CELF6: variants seen among roughly 807,000 people sequenced by gnomAD.
The protein encoded by CELF6 is CUGBP Elav-like family member 6.
In CELF6, 32 loss-of-function variants were observed where a neutral mutation model predicts 53.1. That is an observed-to-expected ratio of 0.60 (90% CI 0.46 to 0.81). The LOEUF is 0.81. Among genes scored for constraint, CELF6 ranks in the 30% least tolerant of loss-of-function variants. The probability of loss-of-function intolerance (pLI) is 0.00; values close to 1 mark genes in which losing one functional copy is unlikely to be tolerated. For missense variants in CELF6, 539 were observed against 669.5 expected (o/e 0.81, Z 2.15); for synonymous variants, 291 against 288.8 (o/e 1.01, Z -0.08).
At chr15:72,310,263 T>G (rs1435353603) in intron 2 of CELF6, among the ~76,000 whole-genome samples, 1 of 152,044 alleles carries the variant, frequency 6.6e-6, no homozygotes, top group Non-Finnish European at 1.5e-5. Context: ...CAGGGCAGAG[T>G]GGGACAGAAA....
Position 72,319,868 on chromosome 15 carries a change from C to T in CELF6, c.7G>A (p.Ala3Thr). Reference protein sequence around the residue: MAAAPGGSAQPAG... With the variant: MATAPGGSAQPAG... ...GGCTGCGCTGACCCTCCCGGCGCCGCGGCCATGTCCCCGCCCTGTCAGCCC... is the reference window on the plus strand; with the variant it reads ...GGCTGCGCTGACCCTCCCGGCGCCGTGGCCATGTCCCCGCCCTGTCAGCCC... Residue 3 changes from alanine to threonine, a missense_variant, in exon 1 of 13, where the codon GCG (alanine) becomes ACG (threonine). Around this residue, in one of 3 missense-constraint regions of CELF6, gnomAD observed 84 missense variants for 87.9 expected, o/e 0.96. Coordinates refer to ENST00000287202, the MANE Select transcript of CELF6 (RefSeq NM_052840.5). This position sits in a 1 kb window ranked among gnomAD's most constrained non-coding sequence, Gnocchi z 5.0. The T allele has an allele frequency of 2.7e-6, 4 of 1,493,032 alleles. No homozygotes were observed. Among genetic ancestry groups the T allele is most frequent in the Admixed American group, 2.2e-5 (1 of 44,838 alleles). 92.5% of individuals were successfully genotyped at this position (1,493,032 alleles called of 1,614,324 possible). A position where few individuals can be genotyped will look rare whatever the true frequency, so the allele number is the denominator to read the frequency against.
Position 72,319,756 on chromosome 15 carries a change from A to G in CELF6, c.119T>C (p.Met40Thr), listed in dbSNP as rs115738898. 1.8e-3 allele frequency: 2,873 copies of G among 1,598,982 alleles called. 42 individuals are homozygous for G. The African/African-American group carries it at 0.034, about 19-fold the overall frequency. Residue 40 changes from methionine to threonine, a missense_variant, in exon 1 of 13, where the codon ATG becomes ACG. Around this residue, in one of 3 missense-constraint regions of CELF6, gnomAD observed 84 missense variants for 87.9 expected, o/e 0.96. Transcript: ENST00000287202. The surrounding 1 kb of genome is among the most constrained non-coding windows in gnomAD (Gnocchi z 5.0). ...SGLNPGPAVP[M>T]KDHDAIKLFV... ...GAGCTTGATGGCGTCGTGGTCCTTC[A>G]TGGGTACGGCGGGACCGGGGTTTAG...
At chr15:72,315,599 C>G (rs886301767) in intron 2 of CELF6, among the ~76,000 whole-genome samples, 16 of 152,200 alleles carry the variant, frequency 1.1e-4, no homozygotes, top group African/African-American at 3.1e-4. Flanking sequence ...GCCCTCAACA[C>G]TGATGCCTCT....
At position 72,289,617 on chromosome 15, in the gene CELF6, C is replaced by T. The variant is rs1264293024; in HGVS notation, c.747+10G>A. The T allele has an allele frequency of 6.7e-7, 1 of 1,500,298 alleles. No homozygotes were observed. Among genetic ancestry groups the T allele is most frequent in the Non-Finnish European group, 8.8e-7 (1 of 1,133,046 alleles). The allele number at this position is 1,500,298 out of a possible 1,614,324, so 92.9% of individuals were successfully genotyped here. A position where few individuals can be genotyped will look rare whatever the true frequency, so the allele number is the denominator to read the frequency against. On this transcript the variant is annotated intron_variant, in intron 6 of 12. Coordinates refer to ENST00000287202, the MANE Select transcript of CELF6 (RefSeq NM_052840.5). This position sits in a 1 kb window ranked among gnomAD's most constrained non-coding sequence, Gnocchi z 7.6. ...CTGCGCGCCCTCGCACGCAGGTGCC[C>T]GGTACCTACCGCCGTGGTGTAGGCG...
In CELF6 at chr15:72,288,555, G is replaced by A. The variant is rs1298131193; in HGVS notation, c.1157C>T (p.Pro386Leu). The A allele has an allele frequency of 1.9e-6, 3 of 1,600,492 alleles. No individual in the cohort carries two copies. Among genetic ancestry groups the A allele is most frequent in the South Asian group, 2.2e-5 (2 of 88,906 alleles). ...TCCCTCACCTTCTCTCTGCTGCTGG[G>A]GCAGGGCTGAAGGCTGCTGGGGAAA... is the stretch of plus-strand genomic sequence containing the variant. ...TAFPQQPSAL[P>L]QQQREGPEGC... The change falls in exon 10 of 13, where the codon CCC (proline) becomes CTC (leucine). Residue 386 changes from proline (P) to leucine (L), a missense_variant. Coordinates refer to ENST00000287202, the MANE Select transcript of CELF6 (RefSeq NM_052840.5). This position sits in a 1 kb window ranked among gnomAD's most constrained non-coding sequence, Gnocchi z 4.6.
chr15:72,290,316 C>T, intron 3 of CELF6, 61 bp from the exon 4 acceptor site: 1 of 1,557,276 alleles, frequency 6.4e-7, no homozygotes, highest in Non-Finnish European at 8.7e-7. Flanking sequence ...CCGAGAGTAG[C>T]CTGAGGAACT....
intron 2 of CELF6, among the ~76,000 whole-genome samples, chr15:72,310,320 C>G (rs1252934641): frequency 2.0e-5 from 3 of 152,146 alleles, no homozygotes; most frequent in African/African-American, 4.8e-5. Context: ...CCTCACCCCC[C>G]TCCTCTAATT....
At chr15:72,296,855 G>A (rs2088086368) in intron 3 of CELF6, among the ~76,000 whole-genome samples, 1 of 152,208 alleles carries the variant, frequency 6.6e-6, no homozygotes, top group Non-Finnish European at 1.5e-5. Flanking sequence ...TGATAGGAAT[G>A]TAAAATAGTG....
rs759518980 is a variant in CELF6 at position 72,289,972 on chromosome 15, G to A, written c.570C>T (p.Ala190=). The change falls in exon 5 of 13, where the codon GCC becomes GCT. Residue 190 remains alanine (A), a synonymous_variant. Coordinates refer to ENST00000287202, the MANE Select transcript of CELF6 (RefSeq NM_052840.5). The surrounding 1 kb of genome is among the most constrained non-coding windows in gnomAD (Gnocchi z 7.6). ...TCCGGCTGCCGTGCAGACCCCGGAT[G>A]GCCGCCTGAGCTTCCCCTTGACTCC... is the stretch of plus-strand genomic sequence containing the variant. ...KFGSQGEAQA[A]IRGLHGSRTM... is the part of the protein sequence containing the mutation. The A allele has an allele frequency of 6.3e-7, 1 of 1,585,366 alleles. No individual in the cohort carries two copies. The highest frequency in any genetic ancestry group is 1.1e-5 in the South Asian group (1 of 87,244).
chr15:72,319,527 G>A lies in CELF6; in HGVS notation c.262+86C>T. On this transcript the variant is annotated intron_variant, in intron 1 of 12. Transcript: ENST00000287202. This position sits in a 1 kb window ranked among gnomAD's most constrained non-coding sequence, Gnocchi z 5.0. ...TTGGACTGGTGTTGGACTGGCTCTC[G>A]GCAGGGCTAGGGCTGGGGCTGGGCT... 3 of 1,428,496 alleles carry A rather than the reference G, an allele frequency of 2.1e-6. No homozygotes were observed. The highest frequency in any genetic ancestry group is 1.4e-5 in the South Asian group (1 of 72,348). The allele number at this position is 1,428,496 out of a possible 1,614,324, so 88.5% of individuals were successfully genotyped here.
rs202206831 is a variant in CELF6 at position 72,287,230 on chromosome 15, G to T, written c.*28+7C>A. 1,786 of 1,609,838 alleles carry T rather than the reference G, an allele frequency of 1.1e-3. No homozygotes were observed. Among genetic ancestry groups the T allele is most frequent in the Non-Finnish European group, 1.5e-3 (1,711 of 1,177,890 alleles). On this transcript the variant is annotated splice_region_variant and intron_variant, in intron 12 of 12. Coordinates refer to ENST00000287202, the MANE Select transcript of CELF6 (RefSeq NM_052840.5). ...CCTCATCTACCTGGGGTCCATCAGG[G>T]ACTCACCTTTCTGTGGCTGGTCAGT... is the stretch of plus-strand genomic sequence containing the variant.
At chr15:72,308,506 T>C (rs2912220) in intron 2 of CELF6, among the ~76,000 whole-genome samples, 29,579 of 151,936 alleles carry the variant, frequency 0.19, 7,675 homozygotes, top group African/African-American at 0.59. Flanking sequence ...GGATTACAGG[T>C]GTGAGCCACC....
At chr15:72,308,023 GAGTAGCCATGGT>G (rs1209106127) in intron 2 of CELF6, among the ~76,000 whole-genome samples, 1 of 152,154 alleles carries the variant, frequency 6.6e-6, no homozygotes, top group Non-Finnish European at 1.5e-5. Flanking sequence ...CTTGGCATGG[GAGTAGCCATGGT>G]AGAGCAAATT....
chr15:72,317,030 A>G lies in CELF6; in HGVS notation c.263-1103T>C, dbSNP rs2088371972. Among the ~76,000 whole-genome samples the G allele has an allele frequency of 3.3e-5, 5 of 152,246 alleles. No individual in the cohort carries two copies. In the South Asian group the frequency reaches 1.0e-3, roughly 31 times the overall value. ...ATTTCAGACAGAGGGAAAAGCATAT[A>G]TGAAGACTGAATCAAGAATTTGGTG... is the stretch of plus-strand genomic sequence containing the variant. On this transcript the variant is annotated intron_variant, in intron 1 of 12. Coordinates refer to ENST00000287202, the MANE Select transcript of CELF6 (RefSeq NM_052840.5).
At chr15:72,304,843 T>C in intron 2 of CELF6, 49 bp from the exon 3 acceptor site, 3 of 1,591,710 alleles carry the variant, frequency 1.9e-6, no homozygotes, top group Non-Finnish European at 2.6e-6. Flanking sequence ...TGCCTGGTCC[T>C]GGAGCCCCCA....
At chr15:72,304,163 G>A (rs1242052175) in intron 3 of CELF6, among the ~76,000 whole-genome samples, 3 of 152,070 alleles carry the variant, frequency 2.0e-5, no homozygotes, top group Non-Finnish European at 2.9e-5. Flanking sequence ...GAGCCACCGT[G>A]CTCAGCCCAC....
intron 1 of CELF6, among the ~76,000 whole-genome samples, chr15:72,318,655 C>A (rs1364035387): frequency 6.6e-6 from 1 of 152,136 alleles, no homozygotes; most frequent in Non-Finnish European, 1.5e-5. Flanking sequence ...CCGAACAGGA[C>A]CGTGTATCTC....
chr15:72,306,119 C>A (rs1416263032), intron 2 of CELF6: 1 of 984,624 alleles, frequency 1.0e-6, no homozygotes, highest in Non-Finnish European at 1.2e-6. Context: ...TGAGTGAATT[C>A]ATGATTGAAT....
chr15:72,298,231 G>A (rs972944786), intron 3 of CELF6, among the ~76,000 whole-genome samples: 1 of 152,136 alleles, frequency 6.6e-6, no homozygotes, highest in Non-Finnish European at 1.5e-5. Flanking sequence ...GAAAGAACTT[G>A]GAAAAGATGG....
Sources: gnomAD v4.1 joint callset for allele counts (sites outside exome capture counted in the v4.1 genomes callset) on GRCh38, gnomAD v4.1.1 for gene constraint, gnomAD v4.1.1 regional missense constraint, Gnocchi (gnomAD v3.1) non-coding constraint, MANE v1.5 for transcripts, NCBI Gene and HGNC (gene_info 2026-07-23, HGNC 2026-07-21) for gene names.